TANGO2: variants seen among roughly 807,000 people sequenced by gnomAD.
TANGO2 encodes the protein transport and Golgi organization protein 2 homolog.
TANGO2 carries 26 observed loss-of-function variants against 39.1 expected under a neutral mutation model. That is an observed-to-expected ratio of 0.67 (90% CI 0.49 to 0.92). The LOEUF is 0.92. Among genes scored for constraint, TANGO2 ranks in the 40% least tolerant of loss-of-function variants. The pLI is 0.00. For missense variants in TANGO2, 326 were observed against 360.1 expected, an observed-to-expected ratio of 0.91 and a Z score of 0.77; for synonymous variants, 131 against 144.5, an observed-to-expected ratio of 0.91 and a Z score of 0.67.
intron 3 of TANGO2, among the ~76,000 whole-genome samples, chr22:20,048,911 G>A (rs1391458735): frequency 1.3e-5 from 2 of 152,094 alleles, no homozygotes; most frequent in African/African-American, 4.8e-5. Context: ...TCCCAAAGTG[G>A]TAGGATTACA....
intron 2 of TANGO2, among the ~76,000 whole-genome samples, chr22:20,042,589 C>A (rs2044171389): frequency 6.6e-6 from 1 of 151,888 alleles, no homozygotes; most frequent in South Asian, 2.1e-4. Context: ...CATGGTGAAA[C>A]CCCATCTCTA....
At chr22:20,056,750 G>A (rs1225221861) in intron 6 of TANGO2, 1 of 456,206 alleles carries the variant, frequency 2.2e-6, no homozygotes, top group Non-Finnish European at 4.4e-6. Context: ...CTGGGAAATG[G>A]CATTTCCCCT....
intron 2 of TANGO2, among the ~76,000 whole-genome samples, chr22:20,040,604 A>C (rs2043717395): frequency 6.6e-6 from 1 of 152,066 alleles, no homozygotes; most frequent in Admixed American, 6.5e-5. Context: ...CCACCATAGC[A>C]CTCAGGGACT....
intron 1 of TANGO2, among the ~76,000 whole-genome samples, chr22:20,028,069 G>A (rs2041130802): frequency 6.6e-6 from 1 of 152,148 alleles, no homozygotes; most frequent in South Asian, 2.1e-4. Flanking sequence ...AAAGTGCAGG[G>A]ATTACAGCCA....
chr22:20,028,979 G>C (rs2041324708), intron 1 of TANGO2, among the ~76,000 whole-genome samples: 1 of 152,244 alleles, frequency 6.6e-6, no homozygotes, highest in Admixed American at 6.5e-5. Flanking sequence ...GCATCCATCA[G>C]GGTGCCAGAC....
At chr22:20,026,397 CAAA>C (rs34580239) in intron 1 of TANGO2, among the ~76,000 whole-genome samples, 16 of 137,858 alleles carry the variant, frequency 1.2e-4, no homozygotes, top group Non-Finnish European at 1.4e-4. Context: ...GACTTCGTCT[CAAA>C]AAAAAAAAAA....
At position 20,065,087 on chromosome 22, in the gene TANGO2, G is replaced by GAC. The variant is rs372265007; in HGVS notation, c.*437_*438dup. 4.9e-5 allele frequency: 9 copies of GAC among 184,696 alleles called. No individual in the cohort carries two copies. The highest frequency in any genetic ancestry group is 1.5e-4 in the East Asian group (1 of 6,882). The allele number at this position is 184,696 out of a possible 1,614,324, so 11.4% of individuals were successfully genotyped here. A position where few individuals can be genotyped will look rare whatever the true frequency, so the allele number is the denominator to read the frequency against. ...ATGTGCACACATGCACAGTTGCACA[G>GAC]ACACACACACACAGGTGCACACACA... On this transcript the variant is annotated 3_prime_UTR_variant, in exon 9 of 9. Coordinates refer to ENST00000327374, the MANE Select transcript of TANGO2 (RefSeq NM_152906.7).
chr22:20,039,842 C>T (rs546474161), intron 2 of TANGO2, among the ~76,000 whole-genome samples: 62 of 150,076 alleles, frequency 4.1e-4, no homozygotes, highest in African/African-American at 1.4e-3. Flanking sequence ...ACTCACCCCC[C>T]GGCAGAACAC....
intron 1 of TANGO2, among the ~76,000 whole-genome samples, chr22:20,026,328 G>T (rs1011630656): frequency 1.3e-5 from 2 of 152,166 alleles, no homozygotes; most frequent in African/African-American, 4.8e-5. Flanking sequence ...AACCCAGCAG[G>T]TGGAGGTTGT....
At chr22:20,056,549 A>G (rs1330126896) in intron 6 of TANGO2, 1 of 456,580 alleles carries the variant, frequency 2.2e-6, no homozygotes, top group Non-Finnish European at 4.4e-6. Context: ...GCTCTGCACC[A>G]CTGCCCAGGC....
intron 1 of TANGO2, among the ~76,000 whole-genome samples, chr22:20,026,398 A>C (rs1601825364): frequency 3.5e-4 from 1 of 2,854 alleles, no homozygotes; most frequent in African/African-American, 0.011. Context: ...ACTTCGTCTC[A>C]AAAAAAAAAA....
chr22:20,029,256 G>GGATTCTAGAGCCTA (rs1385354550), intron 1 of TANGO2, among the ~76,000 whole-genome samples: 2 of 152,156 alleles, frequency 1.3e-5, no homozygotes, highest in Non-Finnish European at 2.9e-5. Context: ...GCTGGAGAGG[G>GGATTCTAGAGCCTA]GATTCTAGAG....
At chr22:20,028,096 A>C (rs2041138194) in intron 1 of TANGO2, among the ~76,000 whole-genome samples, 3 of 151,640 alleles carry the variant, frequency 2.0e-5, no homozygotes, top group Admixed American at 2.0e-4. Flanking sequence ...ACTGCACCCT[A>C]CCTTATTTTA....
At chr22:20,051,085 T>TC (rs2046258481) in intron 3 of TANGO2, among the ~76,000 whole-genome samples, 1 of 150,734 alleles carries the variant, frequency 6.6e-6, no homozygotes, top group African/African-American at 2.4e-5. Flanking sequence ...GGTCTTGAAC[T>TC]CCCAACCTCA....
At chr22:20,019,929 C>G (rs1037142543), upstream of TANGO2, among the ~76,000 whole-genome samples, 2 of 152,192 alleles carry the variant, frequency 1.3e-5, no homozygotes, top group Non-Finnish European at 2.9e-5. Flanking sequence ...CTGTTGGGTT[C>G]CAGGGGAAAC....
intron 1 of TANGO2, among the ~76,000 whole-genome samples, chr22:20,025,068 G>A (rs149052800): frequency 3.7e-3 from 560 of 150,894 alleles, no homozygotes; most frequent in African/African-American, 0.013. Flanking sequence ...TTTTTTTTGC[G>A]TTTTGAGACA....
At chr22:20,033,865 G>C (rs1248571708) in intron 1 of TANGO2, among the ~76,000 whole-genome samples, 1 of 152,258 alleles carries the variant, frequency 6.6e-6, no homozygotes, top group Non-Finnish European at 1.5e-5. Context: ...CCACAGCTGA[G>C]CTTTAATGTG....
At chr22:20,059,478 G>A (rs907631429) in intron 6 of TANGO2, among the ~76,000 whole-genome samples, 1 of 152,186 alleles carries the variant, frequency 6.6e-6, no homozygotes, top group African/African-American at 2.4e-5. Context: ...CAAAGCAGCC[G>A]CAGCATTATA....
At chr22:20,051,765 G>A (rs2046385151) in intron 3 of TANGO2, among the ~76,000 whole-genome samples, 1 of 152,150 alleles carries the variant, frequency 6.6e-6, no homozygotes, top group Admixed American at 6.5e-5. Context: ...TGGGAGGATC[G>A]CTTGAGCCTG....
Sources: gnomAD v4.1 joint callset for allele counts (sites outside exome capture counted in the v4.1 genomes callset) on GRCh38, gnomAD v4.1.1 for gene constraint, MANE v1.5 for transcripts, NCBI Gene and HGNC (gene_info 2026-07-23, HGNC 2026-07-21) for gene names.